The following ALKBH1 variants were observed in gnomAD, a reference collection of about 807,000 sequenced individuals.
The protein encoded by ALKBH1 is alkB homolog 1, histone H2A dioxygenase.
A neutral mutation model predicts 36.6 loss-of-function variants in ALKBH1; 31 were observed. The ratio of observed to expected loss-of-function variants is 0.85; its 90% CI spans 0.64 to 1.14. ALKBH1 has a LOEUF of 1.14. Ranked by LOEUF, ALKBH1 falls within the 50% of genes most tolerant of loss-of-function variation. The pLI, the probability that ALKBH1 is intolerant of heterozygous loss-of-function variation, is 0.00. For missense variants in ALKBH1, 490 were observed against 497.3 expected (o/e 0.99, Z 0.14); for synonymous variants, 183 against 186.6 (o/e 0.98, Z 0.16).
chr14:77,683,278 C>T, intron 3 of ALKBH1: 1 of 767,140 alleles, frequency 1.3e-6, no homozygotes, highest in East Asian at 2.6e-5. Flanking sequence ...GTGTGCTTCT[C>T]TGGGTGGGGC....
intron 2 of ALKBH1, among the ~76,000 whole-genome samples, chr14:77,700,388 G>C (rs1294985332): frequency 6.6e-6 from 1 of 152,106 alleles, no homozygotes; most frequent in African/African-American, 2.4e-5. Context: ...ATTATCAATA[G>C]CATATACTCC....
chr14:77,694,601 G>A (rs2080316569), intron 3 of ALKBH1, 137 bp downstream of exon 3: 1 of 585,834 alleles, frequency 1.7e-6, no homozygotes, highest in South Asian at 4.9e-5. Flanking sequence ...CAATTGTGCT[G>A]TTTTTGCTTG....
At chr14:77,706,589 A>G (rs890338023) in intron 1 of ALKBH1, among the ~76,000 whole-genome samples, 5 of 152,186 alleles carry the variant, frequency 3.3e-5, no homozygotes, top group African/African-American at 9.6e-5. Flanking sequence ...CATGTACTCA[A>G]CACATACTGT....
chr14:77,707,360 A>G (rs1177031426), intron 1 of ALKBH1, among the ~76,000 whole-genome samples: 1 of 152,226 alleles, frequency 6.6e-6, no homozygotes, highest in Non-Finnish European at 1.5e-5. Context: ...GAATCCTTCA[A>G]TGACCTCCTT....
intron 5 of ALKBH1, among the ~76,000 whole-genome samples, chr14:77,674,801 C>T (rs2080196136): frequency 2.0e-5 from 3 of 152,186 alleles, no homozygotes; most frequent in Non-Finnish European, 2.9e-5. Context: ...ATCCACTGGC[C>T]TCGGCCTCCC....
chr14:77,698,321 T>C (rs1269107330), intron 2 of ALKBH1, among the ~76,000 whole-genome samples: 2 of 152,096 alleles, frequency 1.3e-5, no homozygotes, highest in Non-Finnish European at 2.9e-5. Context: ...ATCAAGAGGG[T>C]AGAGAGACTG....
intron 1 of ALKBH1, among the ~76,000 whole-genome samples, chr14:77,705,082 C>T (rs60238265): frequency 6.8e-4 from 104 of 152,230 alleles, no homozygotes; most frequent in African/African-American, 2.4e-3. Context: ...GGTATTTAAA[C>T]AGAGCTATAA....
intron 4 of ALKBH1, among the ~76,000 whole-genome samples, chr14:77,679,640 A>C (rs2080225856): frequency 6.6e-6 from 1 of 152,160 alleles, no homozygotes; most frequent in African/African-American, 2.4e-5. Flanking sequence ...CACGTTGCCC[A>C]GGCTGGCAGC....
chr14:77,687,002 T>C (rs910369525), intron 3 of ALKBH1, among the ~76,000 whole-genome samples: 1 of 152,208 alleles, frequency 6.6e-6, no homozygotes, highest in East Asian at 1.9e-4. Flanking sequence ...TCACTGCAAA[T>C]GGACATCCAA....
At chr14:77,676,001 T>TTC (rs1595046412) in intron 4 of ALKBH1, 152 bp from the exon 5 acceptor site, 6 of 684,082 alleles carry the variant, frequency 8.8e-6, no homozygotes, top group East Asian at 6.1e-5. Context: ...TTCTTTTCTT[T>TTC]TTTTTTTTTT....
chr14:77,688,132 T>C (rs1222706832), intron 3 of ALKBH1, among the ~76,000 whole-genome samples: 2 of 152,240 alleles, frequency 1.3e-5, no homozygotes, highest in African/African-American at 4.8e-5. Context: ...TAGAAATCAG[T>C]AGATAATTGT....
chr14:77,675,905 AAACT>A, intron 4 of ALKBH1, 56 bp from the exon 5 acceptor site: 1 of 1,410,478 alleles, frequency 7.1e-7, no homozygotes, highest in Non-Finnish European at 9.9e-7. Context: ...GGAATACAGG[AAACT>A]ATAAGATTAA....
intron 3 of ALKBH1, among the ~76,000 whole-genome samples, chr14:77,690,201 G>A (rs2080289791): frequency 6.6e-6 from 1 of 152,284 alleles, no homozygotes; most frequent in East Asian, 1.9e-4. Flanking sequence ...AGCATGCCTA[G>A]TGTGTTTAAG....
At position 77,704,453 on chromosome 14, in the gene ALKBH1, A is replaced by G; in HGVS notation, c.208T>C (p.Ser70Pro). 6.2e-7 allele frequency: 1 copy of G among 1,614,146 alleles called. No homozygotes were observed. The highest frequency in any genetic ancestry group is 8.5e-7 in the Non-Finnish European group (1 of 1,179,988). Residue 70 changes from serine to proline, a missense_variant, in exon 2 of 6, where the codon TCT (serine) becomes CCT (proline). Physicochemically the swap from Ser to Pro is moderately conservative, Grantham distance 74 (BLOSUM62 -1). Transcript: ENST00000216489. ...TATGCATTCTGCTCACTGACAGAAG[A>G]CACATTTAGCTGAGATTTGATCACC... Reference protein sequence around the residue: ...QKVIKSQLNVSSVSEQNAYRA... With the variant: ...QKVIKSQLNVPSVSEQNAYRA...
intron 4 of ALKBH1, among the ~76,000 whole-genome samples, chr14:77,676,116 C>T (rs2080204423): frequency 6.6e-6 from 1 of 151,162 alleles, no homozygotes; most frequent in Admixed American, 6.6e-5. Flanking sequence ...CTACCTTAGT[C>T]TCCCAAGTAG....
At chr14:77,704,510 A>C (rs1208570314) in intron 1 of ALKBH1, 33 bp from the exon 2 acceptor site, 1 of 1,575,642 alleles carries the variant, frequency 6.3e-7, no homozygotes. Flanking sequence ...TAAAGGACTA[A>C]ATCTATTTTG....
intron 3 of ALKBH1, chr14:77,683,144 A>C: frequency 2.0e-6 from 1 of 500,040 alleles, no homozygotes. Flanking sequence ...ACCAAGCTGT[A>C]AAGTCTTTTT....
At chr14:77,682,734 G>T (rs1420777462) in intron 3 of ALKBH1, among the ~76,000 whole-genome samples, 1 of 152,128 alleles carries the variant, frequency 6.6e-6, no homozygotes, top group East Asian at 1.9e-4. Context: ...GTCTCATTTT[G>T]TCACCCAGGC....
rs994996055 is a variant in ALKBH1, at chr14:77,693,759, AG to A, written c.455+978del. On this transcript the variant is annotated intron_variant, in intron 3 of 5. Coordinates refer to ENST00000216489, the MANE Select transcript of ALKBH1 (RefSeq NM_006020.3). ...TCTCAGCACTTTGGGAATCTGAGGC[AG>A]GGGGATCACTTGAGGTCAGGAATTG... Among the ~76,000 whole-genome samples the A allele has an allele frequency of 1.3e-4, 20 of 152,140 alleles. 1 individual carries two copies. The highest frequency in any genetic ancestry group is 2.6e-4 in the Admixed American group (4 of 15,268).
Sources: gnomAD v4.1 joint callset for allele counts (sites outside exome capture counted in the v4.1 genomes callset) on GRCh38, gnomAD v4.1.1 for gene constraint, MANE v1.5 for transcripts, NCBI Gene and HGNC (gene_info 2026-07-23, HGNC 2026-07-21) for gene names.